The following FSHR variants were observed in gnomAD, a reference collection of about 807,000 sequenced individuals.
FSHR encodes the protein follicle-stimulating hormone receptor.
Under a neutral mutation model 52.1 loss-of-function variants are expected in FSHR, and 46 were observed. The observed-to-expected ratio is 0.88, with a 90% CI of 0.70 to 1.13. The LOEUF (loss-of-function observed/expected upper bound fraction) is 1.13, where lower values mean the gene tolerates loss of function less well. FSHR is among the 50% of genes most tolerant of loss of function. The pLI, the probability that FSHR is intolerant of heterozygous loss-of-function variation, is 0.00. For synonymous variants in FSHR, 399 were observed against 309.6 expected (o/e 1.29, Z -3.03); for missense variants, 964 against 834.6 (o/e 1.16, Z -1.91).
chr2:49,017,685 T>A, intron 3 of FSHR, 122 bp from the exon 4 acceptor site: 1 of 700,526 alleles, frequency 1.4e-6, no homozygotes, highest in Admixed American at 2.1e-5. Flanking sequence ...CATCTATTCA[T>A]CCATCCATCC....
intron 1 of FSHR, among the ~76,000 whole-genome samples, chr2:49,069,863 A>C (rs1669666732): frequency 6.6e-6 from 1 of 152,172 alleles, no homozygotes; most frequent in Non-Finnish European, 1.5e-5. Flanking sequence ...GTGAGCAGGA[A>C]TTGTAATCAA....
rs529258576 is a variant in FSHR, at chr2:49,013,479, T to A, written c.374+4010A>T. ...ATATATATAAATATATATATATATA[T>A]AAATAAATATATATATATATAAATA... On this transcript the variant is annotated intron_variant, in intron 4 of 9. Transcript: ENST00000406846. Among the ~76,000 whole-genome samples, 457 of 121,300 alleles carry A rather than the reference T, an allele frequency of 3.8e-3. 6 individuals are homozygous for A. The highest frequency in any genetic ancestry group is 0.012 in the African/African-American group (410 of 34,956). 79.6% of individuals were successfully genotyped at this position (121,300 alleles called of 152,430 possible). A position where few individuals can be genotyped will look rare whatever the true frequency, so the allele number is the denominator to read the frequency against.
chr2:49,008,941 A>G (rs1175903454), intron 4 of FSHR, among the ~76,000 whole-genome samples: 10 of 152,024 alleles, frequency 6.6e-5, no homozygotes, highest in East Asian at 1.9e-4. Context: ...TTTGTCAGAT[A>G]AGTAGGTTGC....
At chr2:49,022,486 C>A (rs1323810391) in intron 2 of FSHR, among the ~76,000 whole-genome samples, 2 of 152,030 alleles carry the variant, frequency 1.3e-5, no homozygotes, top group African/African-American at 4.8e-5. Flanking sequence ...CCGATCTAAC[C>A]CAATTCTGTC....
chr2:49,143,448 A>AT (rs1415179498), intron 1 of FSHR, among the ~76,000 whole-genome samples: 4 of 152,254 alleles, frequency 2.6e-5, no homozygotes, highest in South Asian at 4.1e-4. Context: ...ATAAAGAGAA[A>AT]TTTTTTGGTA....
intron 2 of FSHR, among the ~76,000 whole-genome samples, chr2:49,061,723 T>A (rs1669306131): frequency 7.1e-6 from 1 of 140,278 alleles, no homozygotes; most frequent in Non-Finnish European, 1.5e-5. Context: ...TAACTATATA[T>A]AAAAATATAT....
chr2:48,992,183 A>T (rs1215439131), intron 4 of FSHR, among the ~76,000 whole-genome samples: 1 of 152,114 alleles, frequency 6.6e-6, no homozygotes, highest in African/African-American at 2.4e-5. Context: ...TTAATGCGCT[A>T]AAAAATTATA....
At chr2:49,093,668 C>T (rs952571247) in intron 1 of FSHR, among the ~76,000 whole-genome samples, 3 of 148,324 alleles carry the variant, frequency 2.0e-5, no homozygotes. Flanking sequence ...GATCGCAGCT[C>T]GCTGCAACCT....
chr2:49,091,773 A>T (rs1461517015), intron 1 of FSHR, among the ~76,000 whole-genome samples: 1 of 152,146 alleles, frequency 6.6e-6, no homozygotes, highest in Admixed American at 6.6e-5. Context: ...TTTCTTGATT[A>T]TTGCAGTTTT....
chr2:49,053,287 T>G (rs1367262011), intron 2 of FSHR, among the ~76,000 whole-genome samples: 1 of 152,204 alleles, frequency 6.6e-6, no homozygotes, highest in Non-Finnish European at 1.5e-5. Flanking sequence ...ATGCTCCTAT[T>G]TCCAAAGATA....
At chr2:49,050,548 C>A (rs1026022813) in intron 2 of FSHR, among the ~76,000 whole-genome samples, 15 of 152,160 alleles carry the variant, frequency 9.9e-5, no homozygotes, top group African/African-American at 3.6e-4. Context: ...TAGATTCCAA[C>A]TAAAAGAAGC....
intron 8 of FSHR, among the ~76,000 whole-genome samples, chr2:48,969,483 G>A (rs576939562): frequency 6.6e-6 from 1 of 152,286 alleles, no homozygotes; most frequent in Admixed American, 6.5e-5. Context: ...CTCCCTATTA[G>A]ATTTATGACC....
rs1019603214 is a variant in FSHR at position 48,987,526 on chromosome 2, A to T, written c.524+1451T>A. Among the ~76,000 whole-genome samples the T allele has an allele frequency of 3.3e-5, 5 of 152,038 alleles. No homozygotes were observed. In the East Asian group the frequency reaches 5.8e-4, roughly 18 times the overall value. ...CGCCCACCTGATTATTTTTATTTTTATAAAAGGCAGGTGCTCTTCCTGGTC... is the reference window on the plus strand; with the variant it reads ...CGCCCACCTGATTATTTTTATTTTTTTAAAAGGCAGGTGCTCTTCCTGGTC... On this transcript the variant is annotated intron_variant, in intron 6 of 9. Coordinates refer to ENST00000406846, the MANE Select transcript of FSHR (RefSeq NM_000145.4).
At chr2:49,026,433 C>T (rs531286567) in intron 2 of FSHR, among the ~76,000 whole-genome samples, 81 of 152,286 alleles carry the variant, frequency 5.3e-4, no homozygotes, top group Non-Finnish European at 1.0e-3. Flanking sequence ...ATCCTCACAA[C>T]AACCTTGTCA....
chr2:49,149,234 A>G (rs1672975006), intron 1 of FSHR, among the ~76,000 whole-genome samples: 1 of 151,958 alleles, frequency 6.6e-6, no homozygotes, highest in Non-Finnish European at 1.5e-5. Context: ...CCATTGTTTT[A>G]TCTTCTCTTT....
At chr2:48,998,219 T>C (rs1209972224) in intron 4 of FSHR, among the ~76,000 whole-genome samples, 1 of 152,132 alleles carries the variant, frequency 6.6e-6, no homozygotes, top group Non-Finnish European at 1.5e-5. Flanking sequence ...GCAGATATTT[T>C]CTAATTAGAC....
chr2:49,059,896 A>G (rs1229452824), intron 2 of FSHR, among the ~76,000 whole-genome samples: 1 of 152,196 alleles, frequency 6.6e-6, no homozygotes, highest in African/African-American at 2.4e-5. Context: ...AGAGCCAATG[A>G]AACAATCAAT....
chr2:49,000,480 A>C (rs1559120704), intron 4 of FSHR, among the ~76,000 whole-genome samples: 1 of 152,170 alleles, frequency 6.6e-6, no homozygotes, highest in Admixed American at 6.6e-5. Flanking sequence ...CTCCGTGGCT[A>C]AGGCAGAGCT....
chr2:49,041,035 A>G (rs1444458207), intron 2 of FSHR, among the ~76,000 whole-genome samples: 1 of 152,238 alleles, frequency 6.6e-6, no homozygotes, highest in Non-Finnish European at 1.5e-5. Flanking sequence ...CAGAGTTTAA[A>G]GGCTTTGCAT....
Sources: gnomAD v4.1 joint callset for allele counts (sites outside exome capture counted in the v4.1 genomes callset) on GRCh38, gnomAD v4.1.1 for gene constraint, MANE v1.5 for transcripts, NCBI Gene and HGNC (gene_info 2026-07-23, HGNC 2026-07-21) for gene names.